TTN: variants seen among roughly 807,000 people sequenced by gnomAD.
The protein encoded by TTN is titin, also known as connectin.
Under a neutral mutation model 3,223.0 loss-of-function variants are expected in TTN, and 1,525 were observed. That is an observed-to-expected ratio of 0.47 (90% CI 0.45 to 0.49). The LOEUF (loss-of-function observed/expected upper bound fraction) is 0.49. TTN is among the 20% of genes least tolerant of loss of function. TTN has a pLI of 0.00. For synonymous variants in TTN, 14,094 were observed against 15,161.0 expected (o/e 0.93, Z 5.17); for missense variants, 40,786 against 43,424.0 (o/e 0.94, Z 5.40).
intron 29 of TTN, 165 bp downstream of exon 29, chr2:178,774,756 T>A: frequency 2.2e-6 from 2 of 890,596 alleles, no homozygotes; most frequent in Non-Finnish European, 3.3e-6. Flanking sequence ...GTCAAATTGT[T>A]AACATTCTTA....
chr2:178,617,049 A>T (rs1468327357), intron 255 of TTN, 36 bp from the exon 256 acceptor site: 2 of 1,611,308 alleles, frequency 1.2e-6, no homozygotes, highest in African/African-American at 1.3e-5. Context: ...TTGCAGTGCC[A>T]TATTTAAGTC....
chr2:178,605,258 T>A lies in TTN; in HGVS notation c.53919A>T (p.Gly17973=). 6.2e-7 allele frequency: 1 copy of A among 1,603,420 alleles called. No individual in the cohort carries two copies. Among genetic ancestry groups the A allele is most frequent in the South Asian group, 1.1e-5 (1 of 89,590 alleles). The change falls in exon 280 of 363, where the codon GGA becomes GGT. Residue 17973 remains glycine (G), a synonymous_variant. Transcript: ENST00000589042. ...CTCCTGCCTTAACTTTGATAGTGTC[T>A]CCTCGAACACTCAGACGCAACTTAA... The part of the protein sequence containing the change: ...PTIKLRLSVR[G]DTIKVKAGEP...
At chr2:178,774,581 G>A (rs1272429418) in intron 29 of TTN, 108 bp from the exon 30 acceptor site, 10 of 1,039,704 alleles carry the variant, frequency 9.6e-6, no homozygotes, top group Admixed American at 7.0e-5. Flanking sequence ...ATACTATCAG[G>A]TGTATTCTTA....
At position 178,640,650 on chromosome 2, in the gene TTN, T is replaced by A; in HGVS notation, c.40634-20A>T. 2.6e-6 allele frequency: 4 copies of A among 1,549,172 alleles called. No individual in the cohort carries two copies. Among genetic ancestry groups the A allele is most frequent in the Non-Finnish European group, 3.5e-6 (4 of 1,149,482 alleles). On this transcript the variant is annotated intron_variant, in intron 220 of 362. Transcript: ENST00000589042. ...CTGGTACTTTAAGATAAGATTATTTTTTCAGTGTTAATATTTGAATATTTA... is the reference window on the plus strand; with the variant it reads ...CTGGTACTTTAAGATAAGATTATTTATTCAGTGTTAATATTTGAATATTTA...
chr2:178,736,786 T>C (rs547228130), intron 49 of TTN, among the ~76,000 whole-genome samples: 2 of 152,178 alleles, frequency 1.3e-5, no homozygotes, highest in South Asian at 4.1e-4. Context: ...AATAATATCA[T>C]GTACTTGGTT....
At position 178,533,694 on chromosome 2, in the gene TTN, G is replaced by A. The variant is rs2154135325; in HGVS notation, c.102921C>T (p.Tyr34307=). 3.1e-6 allele frequency: 5 copies of A among 1,613,892 alleles called. No individual in the cohort carries two copies. Among genetic ancestry groups the A allele is most frequent in the Non-Finnish European group, 4.2e-6 (5 of 1,179,864 alleles). Residue 34307 remains tyrosine, a synonymous_variant, in exon 358 of 363, where the codon TAC becomes TAT. Coordinates refer to ENST00000589042, the MANE Select transcript of TTN (RefSeq NM_001267550.2). ...AAAGACCCTTGTCTGACTCAAATGT[G>A]TACTTCTTGTCATTGTCACCTGGTT... ...KIKPGDNDKK[Y]TFESDKGLYQ...
chr2:178,701,732 A>T (rs2075038338), intron 109 of TTN, 145 bp from the exon 110 acceptor site: 1 of 854,314 alleles, frequency 1.2e-6, no homozygotes, highest in African/African-American at 1.7e-5. Context: ...TAATATTAGT[A>T]TTCTTTTGTA....
chr2:178,568,883 C>G lies in TTN; in HGVS notation c.77249G>C (p.Arg25750Pro), dbSNP rs368038362. ...KHSEKWSECA[R>P]VKSLQAVITN... ...AATTACTGCCTGAAGAGACTTTACT[C>G]GAGCACACTCTGACCATTTCTCACT... The change falls in exon 326 of 363, where the codon CGA becomes CCA. Residue 25750 changes from arginine (R) to proline (P), a missense_variant. Arg to Pro is a moderately radical substitution (Grantham distance 103). Transcript: ENST00000589042. 3 of 1,612,990 alleles carry G rather than the reference C, an allele frequency of 1.9e-6. No homozygotes were observed. Among genetic ancestry groups the G allele is most frequent in the Non-Finnish European group, 1.7e-6 (2 of 1,179,550 alleles).
Position 178,550,021 on chromosome 2 carries a change from C to A in TTN, c.91817G>T (p.Gly30606Val). The change falls in exon 337 of 363, where the codon GGT becomes GTT. Residue 30606 changes from glycine to valine, a missense_variant. Coordinates refer to ENST00000589042, the MANE Select transcript of TTN (RefSeq NM_001267550.2). ...VYTVEAKNASGSAKAEIKVKV... is the reference protein window; with the variant it reads ...VYTVEAKNASVSAKAEIKVKV... ...CACTTTAATTTCTGCTTTTGCAGAA[C>A]CAGATGCATTTTTGGCTTCCACTGT... 1 of 1,610,988 alleles carries A rather than the reference C, an allele frequency of 6.2e-7. No individual in the cohort carries two copies. Among genetic ancestry groups the A allele is most frequent in the Non-Finnish European group, 8.5e-7 (1 of 1,177,640 alleles).
chr2:178,752,382 C>T (rs2085798677), intron 47 of TTN, among the ~76,000 whole-genome samples: 1 of 152,020 alleles, frequency 6.6e-6, no homozygotes, highest in Admixed American at 6.6e-5. Context: ...TCTTACCTGA[C>T]TTGCAGAGAG....
chr2:178,772,129 A>C (rs1477982876), intron 33 of TTN, among the ~76,000 whole-genome samples: 1 of 152,200 alleles, frequency 6.6e-6, no homozygotes, highest in Admixed American at 6.5e-5. Flanking sequence ...TACTTTAAAA[A>C]CACTGGGTGA....
rs780527167 is a variant in TTN, at chr2:178,591,290, G to A, written c.60435C>T (p.Asp20145=). ...VLTIKNCLRR[D]TGEYQITVSN... ...AAACTGTGATTTGATATTCCCCAGT[G>A]TCTCTCCTTAAGCAGTTCTTAATGG... is the stretch of plus-strand genomic sequence containing the variant. Residue 20145 remains aspartate, a synonymous_variant, in exon 304 of 363, where the codon GAC becomes GAT. Transcript: ENST00000589042. The A allele has an allele frequency of 6.2e-7, 1 of 1,613,290 alleles. No homozygotes were observed. Among genetic ancestry groups the A allele is most frequent in the Non-Finnish European group, 8.5e-7 (1 of 1,179,470 alleles).
At position 178,534,597 on chromosome 2, in the gene TTN, A is replaced by G. The variant is rs761186144; in HGVS notation, c.102018T>C (p.Tyr34006=). ...TDMWSLGTLV[Y]VLLSGINPFL... is the part of the protein sequence containing the mutation. ...ATGGGTTGATACCACTCAATAGCAC[A>G]TATACCAGTGTTCCAAGTGACCACA... The change falls in exon 358 of 363, where the codon TAT becomes TAC. Residue 34006 remains tyrosine (Y), a synonymous_variant. Transcript: ENST00000589042. The G allele has an allele frequency of 1.9e-6, 3 of 1,613,902 alleles. No individual in the cohort carries two copies. The highest frequency in any genetic ancestry group is 2.5e-6 in the Non-Finnish European group (3 of 1,179,790).
chr2:178,672,208 C>G lies in TTN; in HGVS notation c.34990G>C (p.Glu11664Gln). 4 of 1,566,588 alleles carry G rather than the reference C, an allele frequency of 2.6e-6. No individual in the cohort carries two copies. In the South Asian group the frequency reaches 3.4e-5, roughly 13 times the overall value. The change falls in exon 155 of 363, where the codon GAA (glutamate) becomes CAA (glutamine). Residue 11664 changes from glutamate (E) to glutamine (Q), a missense_variant. Transcript: ENST00000589042. ...TCTACTACTTCTAATTCTAGTCTTT[C>G]TTTTACTACTACTTCTTGGCGGAAG... ...VAFRQEVVVKERLELEVVEAE... is the reference protein window; with the variant it reads ...VAFRQEVVVKQRLELEVVEAE...
At position 178,764,631 on chromosome 2, in the gene TTN, G is replaced by A. The variant is rs191708454; in HGVS notation, c.9884C>T (p.Thr3295Met). Residue 3295 changes from threonine to methionine, a missense_variant, in exon 42 of 363, where the codon ACG becomes ATG. Coordinates refer to ENST00000589042, the MANE Select transcript of TTN (RefSeq NM_001267550.2). ...CKFLHDGQEYTLLLIEAFPED... is the reference protein window; with the variant it reads ...CKFLHDGQEYMLLLIEAFPED... ...TGGGAAGGCTTCAATTAGCAAAAGCGTGTATTCTTGCCCATCATGAAGAAA... is the reference window on the plus strand; with the variant it reads ...TGGGAAGGCTTCAATTAGCAAAAGCATGTATTCTTGCCCATCATGAAGAAA... 175 of 1,614,052 alleles carry A rather than the reference G, an allele frequency of 1.1e-4. 4 individuals carry two copies. In the South Asian group the frequency reaches 1.5e-3, roughly 14 times the overall value.
Position 178,567,123 on chromosome 2 carries a change from C to T in TTN, c.79009G>A (p.Val26337Ile). The T allele has an allele frequency of 6.2e-7, 1 of 1,613,514 alleles. No homozygotes were observed. The highest frequency in any genetic ancestry group is 8.5e-7 in the Non-Finnish European group (1 of 1,179,600). Reference sequence around the variant, plus strand: ...GAATTGGTCACAACTTCTGAAGCAACAACAGTCCAGGCAAGTCGACTGGTT... The same window carrying T: ...GAATTGGTCACAACTTCTGAAGCAATAACAGTCCAGGCAAGTCGACTGGTT... ...RETSRLAWTV[V>I]ASEVVTNSLK... The change falls in exon 326 of 363, where the codon GTT becomes ATT. Residue 26337 changes from valine to isoleucine, a missense_variant. Transcript: ENST00000589042.
Position 178,681,396 on chromosome 2 carries a change from A to C in TTN, c.33227T>G (p.Leu11076Arg), listed in dbSNP as rs1274408423. Residue 11076 changes from leucine to arginine, a missense_variant, in exon 137 of 363, where the codon CTC becomes CGC. Transcript: ENST00000589042. ...TGTACCTTTGGGTGGTGGAGGTTTG[A>C]GTTTCTTAGGAATGGGCACTGGTAC... Reference protein sequence around the residue: ...EKVPVPIPKKLKPPPPKVPEE... With the variant: ...EKVPVPIPKKRKPPPPKVPEE... The C allele has an allele frequency of 2.5e-6, 4 of 1,612,318 alleles. No homozygotes were observed. The African/African-American group carries it at 4.0e-5, about 16-fold the overall frequency.
rs535612231 is a variant in TTN at position 178,540,217 on chromosome 2, C to T, written c.97949G>A (p.Cys32650Tyr). Residue 32650 changes from cysteine to tyrosine, a missense_variant, in exon 351 of 363, where the codon TGT becomes TAT. Physicochemically the swap from Cys to Tyr is radical, Grantham distance 194 (BLOSUM62 -2). Coordinates refer to ENST00000589042, the MANE Select transcript of TTN (RefSeq NM_001267550.2). ...QKVDQHEWTKCNTTPTKIREY... is the reference protein window; with the variant it reads ...QKVDQHEWTKYNTTPTKIREY... ...TCGAATCTTGGTTGGAGTGGTGTTA[C>T]ACTTGGTCCATTCATGTTGATCTAC... 16 of 1,613,666 alleles carry T rather than the reference C, an allele frequency of 9.9e-6. No individual in the cohort carries two copies. The highest frequency in any genetic ancestry group is 8.3e-5 in the Admixed American group (5 of 59,992).
rs876657622 is a variant in TTN, at chr2:178,745,816, A to G, written c.11312-3895T>C. Reference sequence around the variant, plus strand: ...CTAAGCACTGAAAATATGCTGCTGTACCTATTGGTGCATAACAGTCAGAAA... The same window carrying G: ...CTAAGCACTGAAAATATGCTGCTGTGCCTATTGGTGCATAACAGTCAGAAA... On this transcript the variant is annotated intron_variant, in intron 47 of 362. Coordinates refer to ENST00000589042, the MANE Select transcript of TTN (RefSeq NM_001267550.2). The G allele has an allele frequency of 5.0e-6, 8 of 1,613,152 alleles. No homozygotes were observed. The Admixed American group carries it at 6.7e-5, about 13-fold the overall frequency.
Sources: allele counts gnomAD v4.1 joint callset (sites outside exome capture counted in the v4.1 genomes callset), GRCh38; gene constraint gnomAD v4.1.1; transcripts MANE v1.5; gene names NCBI Gene and HGNC (gene_info 2026-07-23, HGNC 2026-07-21).